ZNF880: variants seen among roughly 807,000 people sequenced by gnomAD.
ZNF880 encodes zinc finger protein 880, also known as zinc finger protein LOC400713.
ZNF880 carries 12 observed loss-of-function variants against 11.8 expected under a neutral mutation model. The observed-to-expected ratio is 1.02, with a 90% CI of 0.65 to 1.65. The LOEUF is 1.65. Among genes scored for constraint, ZNF880 ranks in the 40% most tolerant of loss-of-function variants. The pLI is 0.00. For missense variants in ZNF880, 601 were observed against 673.9 expected (o/e 0.89, Z 1.20); for synonymous variants, 210 against 232.4 (o/e 0.90, Z 0.88).
intron 3 of ZNF880, chr19:52,379,465 G>A (rs1234741964): frequency 2.7e-5 from 12 of 445,934 alleles, no homozygotes; most frequent in East Asian, 2.2e-4. Flanking sequence ...CCGCGATCTC[G>A]GCTCACTGCA....
intron 1 of ZNF880, 44 bp downstream of exon 1, chr19:52,370,021 C>G: frequency 6.4e-7 from 1 of 1,551,390 alleles, no homozygotes; most frequent in South Asian, 1.2e-5. Context: ...TGCTGAGTCC[C>G]CTCGCGCTTC....
intron 3 of ZNF880, among the ~76,000 whole-genome samples, chr19:52,381,632 T>TA (rs1986707776): frequency 1.0e-5 from 1 of 97,576 alleles, no homozygotes; most frequent in East Asian, 2.3e-4. Flanking sequence ...ATCTGTAGAT[T>TA]TTTTAAATCT....
intron 3 of ZNF880, among the ~76,000 whole-genome samples, chr19:52,378,430 G>C (rs987575417): frequency 2.0e-5 from 3 of 151,712 alleles, no homozygotes; most frequent in African/African-American, 7.3e-5. Flanking sequence ...GGATCAGAAA[G>C]TCAGGGGATC....
At chr19:52,375,156 TG>T (rs918806288) in intron 3 of ZNF880, among the ~76,000 whole-genome samples, 4 of 146,356 alleles carry the variant, frequency 2.7e-5, no homozygotes, top group African/African-American at 8.1e-5. Flanking sequence ...AAACTAGTAT[TG>T]GTTTTTTTTT....
chr19:52,366,907 A>G (rs1307002397), upstream of ZNF880: 1 of 631,484 alleles, frequency 1.6e-6, no homozygotes, highest in East Asian at 2.7e-5. Context: ...ATCCACACTG[A>G]AAGGAAACCC....
intron 3 of ZNF880, among the ~76,000 whole-genome samples, chr19:52,382,694 G>C (rs898626025): frequency 1.3e-5 from 2 of 152,068 alleles, no homozygotes; most frequent in Admixed American, 6.5e-5. Flanking sequence ...TTTTGTTGCT[G>C]CTATCAAGAC....
downstream of ZNF880, among the ~76,000 whole-genome samples, chr19:52,386,767 A>G (rs1157055670): frequency 3.1e-5 from 4 of 130,400 alleles, 1 homozygote; most frequent in Non-Finnish European, 6.4e-5. Context: ...GCACCATTGC[A>G]CTCCAGCCTG....
rs776321937 is a variant in ZNF880 at position 52,384,237 on chromosome 19, G to A, written c.657G>A (p.Lys219=). 7 of 1,612,448 alleles carry A rather than the reference G, an allele frequency of 4.3e-6. No individual in the cohort carries two copies. Among genetic ancestry groups the A allele is most frequent in the South Asian group, 1.1e-5 (1 of 90,936 alleles). The change falls in exon 4 of 4, where the codon AAG becomes AAA. Residue 219 remains lysine, a synonymous_variant. Coordinates refer to ENST00000422689, the MANE Select transcript of ZNF880 (RefSeq NM_001145434.2). ...DNPYKCNECD[K]VFSNSSNLVQ... is the part of the protein sequence containing the mutation. ...CTTACAAATGTAATGAATGTGACAA[G>A]GTCTTCAGTAACAGTTCAAACCTTG...
rs1986861212 is a variant in ZNF880, at chr19:52,385,574, A to G, written c.*260A>G. Reference sequence around the variant, plus strand: ...CAGATGGATTATGTATGCTGAGGCTATTATTCAAGGACCATTACTATGGAA... The same window carrying G: ...CAGATGGATTATGTATGCTGAGGCTGTTATTCAAGGACCATTACTATGGAA... On this transcript the variant is annotated 3_prime_UTR_variant, in exon 4 of 4. Transcript: ENST00000422689. The G allele has an allele frequency of 1.5e-5, 5 of 342,714 alleles. 1 individual carries two copies. Among genetic ancestry groups the G allele is most frequent in the Non-Finnish European group, 5.1e-6 (1 of 196,022 alleles). 21.2% of individuals were successfully genotyped at this position (342,714 alleles called of 1,614,324 possible).
intron 3 of ZNF880, chr19:52,374,636 A>G (rs1986501734): frequency 2.9e-6 from 2 of 694,412 alleles, no homozygotes; most frequent in East Asian, 5.4e-5. Context: ...TGTACCCTGC[A>G]AAACCACACT....
At chr19:52,373,001 A>C in intron 1 of ZNF880, 110 bp from the exon 2 acceptor site, 1 of 1,103,894 alleles carries the variant, frequency 9.1e-7, no homozygotes, top group Non-Finnish European at 1.4e-6. Flanking sequence ...TAGCTAAAAA[A>C]ATACCTTAAC....
In ZNF880 at chr19:52,384,641, G is replaced by A; in HGVS notation, c.1061G>A (p.Cys354Tyr). 1 of 1,612,050 alleles carries A rather than the reference G, an allele frequency of 6.2e-7. No homozygotes were observed. Among genetic ancestry groups the A allele is most frequent in the Non-Finnish European group, 8.5e-7 (1 of 1,178,964 alleles). The change falls in exon 4 of 4, where the codon TGT (cysteine) becomes TAT (tyrosine). Residue 354 changes from cysteine (C) to tyrosine (Y), a missense_variant. Cys to Tyr is a radical substitution (Grantham distance 194). This residue lies in a region of ZNF880 where 420 missense variants were observed against 442.6 expected (regional missense o/e 0.95). Transcript: ENST00000422689. ...VIHTGEKLYK[C>Y]NKCGKVFNRN... ...CACACTGGAGAGAAACTTTACAAAT[G>A]TAATAAATGTGGCAAGGTCTTCAAT...
Position 52,384,932 on chromosome 19 carries a change from TA to T in ZNF880, c.1354del (p.Ser452AlafsTer84). Reference protein sequence around the residue: ...CAKVFRHRLSLSNHQRFHTGE... With the variant: ...CAKVFRHRLSXSNHQRFHTGE... ...AAGGTCTTCAGGCATAGATTATCCC[TA>T]AGCAATCATCAGAGATTTCATACTG... On this transcript the variant is annotated frameshift_variant, in exon 4 of 4. Coordinates refer to ENST00000422689, the MANE Select transcript of ZNF880 (RefSeq NM_001145434.2). LOFTEE classifies it low-confidence loss of function (END_TRUNC). The T allele has an allele frequency of 1.3e-6, 2 of 1,589,034 alleles. No individual in the cohort carries two copies. Among genetic ancestry groups the T allele is most frequent in the Non-Finnish European group, 1.7e-6 (2 of 1,166,420 alleles).
Position 52,385,001 on chromosome 19 carries a change from C to G in ZNF880, c.1421C>G (p.Thr474Ser). Residue 474 changes from threonine (T) to serine (S), a missense_variant, in exon 4 of 4, where the codon ACT (threonine) becomes AGT (serine). This residue lies in a region of ZNF880 where 177 missense variants were observed against 214.5 expected (regional missense o/e 0.83). Transcript: ENST00000422689. ...YRCDECGKDFTRNSNLANHHR... is the reference protein window; with the variant it reads ...YRCDECGKDFSRNSNLANHHR... ...TGTGATGAATGTGGCAAGGACTTCA[C>G]TCGAAATTCAAACCTTGCAAATCAT... 6.4e-7 allele frequency: 1 copy of G among 1,561,970 alleles called. No individual in the cohort carries two copies. The highest frequency in any genetic ancestry group is 1.9e-5 in the Admixed American group (1 of 52,006).
At chr19:52,374,536 C>A (rs190590808) in intron 3 of ZNF880, 109 bp downstream of exon 3, 14 of 1,328,260 alleles carry the variant, frequency 1.1e-5, no homozygotes, top group African/African-American at 2.9e-5. Flanking sequence ...CAGTGGCAAT[C>A]GTGGCTTAAC....
chr19:52,381,356 T>C (rs2122394333), intron 3 of ZNF880, among the ~76,000 whole-genome samples: 1 of 152,320 alleles, frequency 6.6e-6, no homozygotes, highest in South Asian at 2.1e-4. Context: ...CTTTGTCTCT[T>C]ATGGTTTTTG....
rs184977847 is a variant in ZNF880, at chr19:52,385,256, G to A, written c.1676G>A (p.Arg559Gln). 20 of 1,551,736 alleles carry A rather than the reference G, an allele frequency of 1.3e-5. No individual in the cohort carries two copies. The highest frequency in any genetic ancestry group is 1.1e-4 in the African/African-American group (8 of 73,094). ...RCHECGKDFT[R>Q]NSNLANHHRI... Reference sequence around the variant, plus strand: ...CATGAATGTGGTAAGGACTTCACTCGAAATTCAAACCTGGCAAATCATCAC... The same window carrying A: ...CATGAATGTGGTAAGGACTTCACTCAAAATTCAAACCTGGCAAATCATCAC... The change falls in exon 4 of 4, where the codon CGA (arginine) becomes CAA (glutamine). Residue 559 changes from arginine (R) to glutamine (Q), a missense_variant. Arg to Gln is a conservative substitution (Grantham distance 43, BLOSUM62 1). This residue lies in a region of ZNF880 where 177 missense variants were observed against 214.5 expected (regional missense o/e 0.83). Coordinates refer to ENST00000422689, the MANE Select transcript of ZNF880 (RefSeq NM_001145434.2).
rs748513391 is a variant in ZNF880, at chr19:52,374,945, A to C, written c.268+518A>C. ...TGGAGATGAGGTCTCACTAGGTTGC[A>C]CAGGCTTGTCTTGAACTCCTGGCCT... is the stretch of plus-strand genomic sequence containing the variant. On this transcript the variant is annotated intron_variant, in intron 3 of 3. Transcript: ENST00000422689. Among the ~76,000 whole-genome samples, 48 of 151,906 alleles carry C rather than the reference A, an allele frequency of 3.2e-4. 1 individual carries two copies. The highest frequency in any genetic ancestry group is 6.5e-4 in the Non-Finnish European group (44 of 67,988).
Position 52,385,045 on chromosome 19 carries a change from GA to G in ZNF880, c.1466del (p.Glu489GlyfsTer47). On this transcript the variant is annotated frameshift_variant, in exon 4 of 4. Transcript: ENST00000422689. LOFTEE classifies it low-confidence loss of function (END_TRUNC). ...AAATCATCACAGAATCCATACTGGA[GA>G]GAAACCTTACAAATGCAGTGAATGT... ...LANHHRIHTGEKPYKCSECHK... is the reference protein window; with the variant it reads ...LANHHRIHTGXKPYKCSECHK... 6.4e-7 allele frequency: 1 copy of G among 1,569,364 alleles called. No homozygotes were observed. The highest frequency in any genetic ancestry group is 2.4e-5 in the East Asian group (1 of 42,524).
Sources: allele counts gnomAD v4.1 joint callset (sites outside exome capture counted in the v4.1 genomes callset), GRCh38; gene constraint gnomAD v4.1.1; regional missense constraint gnomAD v4.1.1; transcripts MANE v1.5; gene names NCBI Gene and HGNC (gene_info 2026-07-23, HGNC 2026-07-21).